GRID1: variants seen among roughly 807,000 people sequenced by gnomAD.
The protein encoded by GRID1 is glutamate receptor ionotropic, delta-1.
GRID1 carries 28 observed loss-of-function variants against 98.0 expected under a neutral mutation model. The observed-to-expected ratio is 0.29, with a 90% CI of 0.21 to 0.39. GRID1 has a LOEUF of 0.39. Among genes scored for constraint, GRID1 ranks in the 10% least tolerant of loss-of-function variants. The pLI, the probability that GRID1 is intolerant of heterozygous loss-of-function variation, is 1.00. For synonymous variants in GRID1, 553 were observed against 538.5 expected (o/e 1.03, Z -0.37); for missense variants, 1,111 against 1,340.5 (o/e 0.83, Z 2.67).
Position 85,735,191 on chromosome 10 carries a change from G to A in GRID1, c.1234-5577C>T, listed in dbSNP as rs185854922. 1.2e-4 allele frequency among the ~76,000 whole-genome samples: 18 copies of A among 152,190 alleles called. 1 individual carries two copies. Among genetic ancestry groups the A allele is most frequent in the Admixed American group, 3.3e-4 (5 of 15,270 alleles). ...TTACAGGATCGATGAATTTATGGCC[G>A]CACACACCCACTTTTGACAGCTGAC... On this transcript the variant is annotated intron_variant, in intron 8 of 15. Transcript: ENST00000327946.
At chr10:86,315,534 T>C (rs1393227214) in intron 2 of GRID1, among the ~76,000 whole-genome samples, 1 of 152,204 alleles carries the variant, frequency 6.6e-6, no homozygotes, top group African/African-American at 2.4e-5. Flanking sequence ...TTGGCATATC[T>C]GGCCACAGTT....
At chr10:85,789,928 C>G (rs531552166) in intron 8 of GRID1, among the ~76,000 whole-genome samples, 1 of 152,230 alleles carries the variant, frequency 6.6e-6, no homozygotes, top group South Asian at 2.1e-4. Flanking sequence ...GCCCCAAGTT[C>G]TGCAGTGGCA....
intron 12 of GRID1, among the ~76,000 whole-genome samples, chr10:85,663,325 G>T (rs1437810877): frequency 6.6e-6 from 1 of 152,080 alleles, no homozygotes; most frequent in Non-Finnish European, 1.5e-5. Flanking sequence ...TAAAATGAAG[G>T]CAGAGAGCAG....
At chr10:86,164,677 G>C (rs1442810276) in intron 3 of GRID1, among the ~76,000 whole-genome samples, 3 of 152,230 alleles carry the variant, frequency 2.0e-5, no homozygotes, top group African/African-American at 7.2e-5. Flanking sequence ...CATGGAGGAG[G>C]AGTTTGCAAT....
chr10:86,017,590 C>T (rs949536111), intron 4 of GRID1, among the ~76,000 whole-genome samples: 1 of 152,210 alleles, frequency 6.6e-6, no homozygotes, highest in Non-Finnish European at 1.5e-5. Context: ...AATGTCATAG[C>T]CCATTTGGCT....
At chr10:86,332,113 C>A (rs1434640267) in intron 2 of GRID1, among the ~76,000 whole-genome samples, 1 of 152,226 alleles carries the variant, frequency 6.6e-6, no homozygotes, top group Non-Finnish European at 1.5e-5. Flanking sequence ...CCAGGGGTGA[C>A]TTCCCCGAGG....
rs1260228109 is a variant in GRID1 at position 86,033,047 on chromosome 10, CTT to C, written c.726+105770_726+105771del. On this transcript the variant is annotated intron_variant, in intron 4 of 15. Transcript: ENST00000327946. ...AAACATGAAAATTCAAGCCCAGAAA[CTT>C]AAGCTTTCCAAGATTCAAACAGCTA... Among the ~76,000 whole-genome samples the C allele has an allele frequency of 4.6e-5, 7 of 151,848 alleles. No individual in the cohort carries two copies. The East Asian group carries it at 9.7e-4, about 21-fold the overall frequency.
intron 4 of GRID1, among the ~76,000 whole-genome samples, chr10:86,074,924 T>C (rs1589362248): frequency 1.3e-5 from 2 of 152,146 alleles, no homozygotes; most frequent in South Asian, 2.1e-4. Context: ...AGTTGCTGAA[T>C]GAATGAACAA....
At chr10:85,922,266 T>C (rs1331842846) in intron 4 of GRID1, among the ~76,000 whole-genome samples, 1 of 152,240 alleles carries the variant, frequency 6.6e-6, no homozygotes, top group African/African-American at 2.4e-5. Context: ...CTTGTTCTCA[T>C]AAGCCTGAAA....
chr10:85,703,419 T>C (rs1432212927), intron 12 of GRID1, among the ~76,000 whole-genome samples: 1 of 151,784 alleles, frequency 6.6e-6, no homozygotes, highest in Non-Finnish European at 1.5e-5. Context: ...TAAAAGAATG[T>C]GAAAGGCAAA....
intron 5 of GRID1, among the ~76,000 whole-genome samples, chr10:85,879,797 C>T (rs1840971418): frequency 1.3e-5 from 2 of 151,988 alleles, no homozygotes; most frequent in South Asian, 2.1e-4. Flanking sequence ...GAAATAGAGA[C>T]ACAAAAAACC....
intron 2 of GRID1, among the ~76,000 whole-genome samples, chr10:86,329,310 C>G (rs1848104044): frequency 6.6e-6 from 1 of 152,230 alleles, no homozygotes; most frequent in Non-Finnish European, 1.5e-5. Flanking sequence ...ACCATGGGCC[C>G]TCCTCTAGGG....
chr10:85,650,515 A>C (rs1843254261), intron 12 of GRID1, among the ~76,000 whole-genome samples: 1 of 152,208 alleles, frequency 6.6e-6, no homozygotes, highest in South Asian at 2.1e-4. Context: ...GGTAAGGCAC[A>C]GTGCACACCA....
chr10:85,919,727 C>T (rs1841675177), intron 4 of GRID1, among the ~76,000 whole-genome samples: 1 of 152,198 alleles, frequency 6.6e-6, no homozygotes, highest in Non-Finnish European at 1.5e-5. Flanking sequence ...ATAGAGAGTT[C>T]CAGCAGGCAG....
chr10:85,743,184 C>T (rs1841964243), intron 8 of GRID1, among the ~76,000 whole-genome samples: 1 of 140,342 alleles, frequency 7.1e-6, no homozygotes, highest in South Asian at 2.4e-4. Flanking sequence ...AACCCTGAGA[C>T]CACCATGCTG....
At chr10:85,649,622 T>G (rs1358070483) in intron 12 of GRID1, among the ~76,000 whole-genome samples, 4 of 152,162 alleles carry the variant, frequency 2.6e-5, no homozygotes, top group African/African-American at 9.7e-5. Flanking sequence ...TGCTGCAGTT[T>G]TCATGAGTGT....
At chr10:86,165,448 C>T (rs1845385058) in intron 3 of GRID1, among the ~76,000 whole-genome samples, 1 of 152,224 alleles carries the variant, frequency 6.6e-6, no homozygotes, top group African/African-American at 2.4e-5. Context: ...CAGGGCAGAA[C>T]TGCAGCATTG....
At chr10:85,771,980 C>G (rs1471210690) in intron 8 of GRID1, among the ~76,000 whole-genome samples, 1 of 152,158 alleles carries the variant, frequency 6.6e-6, no homozygotes. Context: ...ACCTAATAGA[C>G]ATCTACAGAA....
rs1198693547 is a variant in GRID1 at position 85,599,802 on chromosome 10, A to AATATATATATATATATATATAT, written c.*2470_*2471insATATATATATATATATATATAT. The AATATATATATATATATATATAT allele has an allele frequency of 1.1e-4, 7 of 64,992 alleles. No homozygotes were observed. Among genetic ancestry groups the AATATATATATATATATATATAT allele is most frequent in the African/African-American group, 2.8e-4 (3 of 10,730 alleles). The allele number at this position is 64,992 out of a possible 1,614,324, so 4.0% of individuals were successfully genotyped here. A position where few individuals can be genotyped will look rare whatever the true frequency, so the allele number is the denominator to read the frequency against. ...GTAGAAAATTCTAAAAAAAAAAAAA[A>AATATATATATATATATATATAT]ATATATATATATATATATAAACATG... On this transcript the variant is annotated 3_prime_UTR_variant, in exon 16 of 16. Transcript: ENST00000327946.
Sources: allele counts gnomAD v4.1 joint callset (sites outside exome capture counted in the v4.1 genomes callset), GRCh38; gene constraint gnomAD v4.1.1; transcripts MANE v1.5; gene names NCBI Gene and HGNC (gene_info 2026-07-23, HGNC 2026-07-21).